The following ASIC2 variants were observed in gnomAD, a reference collection of about 807,000 sequenced individuals.
ASIC2 encodes the protein acid-sensing ion channel 2.
A neutral mutation model predicts 57.3 loss-of-function variants in ASIC2; 25 were observed. The observed-to-expected ratio is 0.44, with a 90% CI of 0.32 to 0.61. The LOEUF is 0.61. ASIC2 is among the 20% of genes least tolerant of loss of function. The pLI is 0.06. For missense variants in ASIC2, 641 were observed against 738.1 expected, an observed-to-expected ratio of 0.87 and a Z score of 1.52; for synonymous variants, 319 against 307.5, an observed-to-expected ratio of 1.04 and a Z score of -0.39.
intron 1 of ASIC2, among the ~76,000 whole-genome samples, chr17:33,620,373 C>T (rs1374000239): frequency 1.3e-5 from 2 of 152,102 alleles, no homozygotes; most frequent in African/African-American, 4.8e-5. Context: ...TCTACTCCAC[C>T]AAATTTCAGC....
At chr17:34,056,155 C>A (rs1908758426) in intron 1 of ASIC2, among the ~76,000 whole-genome samples, 1 of 152,098 alleles carries the variant, frequency 6.6e-6, no homozygotes. Flanking sequence ...AACTGGGTGC[C>A]TATTAGGATC....
chr17:33,257,451 C>G (rs1350450845), intron 1 of ASIC2, among the ~76,000 whole-genome samples: 2 of 152,210 alleles, frequency 1.3e-5, no homozygotes, highest in Non-Finnish European at 2.9e-5. Context: ...TTATTTCACA[C>G]TTTTAGTATA....
chr17:33,623,164 A>G (rs1905852703), intron 1 of ASIC2, among the ~76,000 whole-genome samples: 1 of 151,826 alleles, frequency 6.6e-6, no homozygotes, highest in Admixed American at 6.6e-5. Flanking sequence ...GCAAGTGATG[A>G]CTCCAGGGCT....
At chr17:33,802,474 A>C (rs935693569) in intron 1 of ASIC2, among the ~76,000 whole-genome samples, 1 of 152,220 alleles carries the variant, frequency 6.6e-6, no homozygotes, top group Non-Finnish European at 1.5e-5. Flanking sequence ...AACACAGAAA[A>C]GGTTGACCTT....
intron 1 of ASIC2, among the ~76,000 whole-genome samples, chr17:33,313,807 G>A (rs1477497155): frequency 6.6e-6 from 1 of 152,004 alleles, no homozygotes; most frequent in Non-Finnish European, 1.5e-5. Flanking sequence ...GGACACTTCC[G>A]TATCCGGACT....
intron 1 of ASIC2, among the ~76,000 whole-genome samples, chr17:33,411,232 C>T (rs551395762): frequency 1.3e-5 from 2 of 152,252 alleles, no homozygotes; most frequent in South Asian, 4.2e-4. Context: ...TCCTCAGAAT[C>T]CTCATTAGAA....
At chr17:33,717,553 C>T (rs752854909) in intron 1 of ASIC2, among the ~76,000 whole-genome samples, 6 of 152,154 alleles carry the variant, frequency 3.9e-5, no homozygotes, top group African/African-American at 7.2e-5. Flanking sequence ...CCCAACTGTC[C>T]GGTCCAGGCT....
At chr17:33,463,876 G>T (rs1912723669) in intron 1 of ASIC2, among the ~76,000 whole-genome samples, 1 of 152,144 alleles carries the variant, frequency 6.6e-6, no homozygotes, top group South Asian at 2.1e-4. Flanking sequence ...GTATCTTCAT[G>T]TCTCCAGAAA....
chr17:33,733,609 T>C (rs565251943), intron 1 of ASIC2, among the ~76,000 whole-genome samples: 101 of 152,300 alleles, frequency 6.6e-4, no homozygotes, highest in African/African-American at 2.2e-3. Flanking sequence ...ACTGATTAGA[T>C]ACATGACTTA....
intron 1 of ASIC2, among the ~76,000 whole-genome samples, chr17:34,097,869 C>T (rs907768440): frequency 2.6e-5 from 4 of 151,926 alleles, no homozygotes; most frequent in Admixed American, 2.6e-4. Context: ...AATCTGAGGC[C>T]CCAGAATTAA....
chr17:34,077,409 A>G (rs1598011073), intron 1 of ASIC2, among the ~76,000 whole-genome samples: 1 of 151,686 alleles, frequency 6.6e-6, no homozygotes, highest in Non-Finnish European at 1.5e-5. Context: ...CCCACGTCAT[A>G]CCCTCTCCCT....
intron 3 of ASIC2, among the ~76,000 whole-genome samples, chr17:33,031,839 T>C (rs1249738536): frequency 6.6e-6 from 1 of 152,198 alleles, no homozygotes; most frequent in Non-Finnish European, 1.5e-5. Flanking sequence ...CCTGTCATCA[T>C]TGTGAATAAT....
intron 1 of ASIC2, among the ~76,000 whole-genome samples, chr17:34,015,876 C>T (rs1293104659): frequency 6.6e-6 from 1 of 152,182 alleles, no homozygotes; most frequent in African/African-American, 2.4e-5. Context: ...GATTCAGTTT[C>T]TCTTTTTATA....
At chr17:34,083,078 T>C (rs1295634191) in intron 1 of ASIC2, among the ~76,000 whole-genome samples, 1 of 151,996 alleles carries the variant, frequency 6.6e-6, no homozygotes, top group African/African-American at 2.4e-5. Flanking sequence ...ATGTGCAGGT[T>C]AGTTACATAT....
At chr17:33,805,001 C>T (rs1035973366) in intron 1 of ASIC2, among the ~76,000 whole-genome samples, 2 of 152,078 alleles carry the variant, frequency 1.3e-5, no homozygotes, top group African/African-American at 4.8e-5. Context: ...CTTAAAACTC[C>T]CTGCTCATCC....
chr17:33,612,401 G>A (rs968668564), intron 1 of ASIC2, among the ~76,000 whole-genome samples: 10 of 152,112 alleles, frequency 6.6e-5, no homozygotes. Flanking sequence ...AAAAAAAATG[G>A]CAAAAGGGCG....
At chr17:33,968,487 C>G (rs184433535) in intron 1 of ASIC2, among the ~76,000 whole-genome samples, 2 of 152,206 alleles carry the variant, frequency 1.3e-5, no homozygotes, top group African/African-American at 4.8e-5. Context: ...AAGGGAGAAA[C>G]GGAACAGATT....
chr17:33,458,766 T>C (rs1021464686), intron 1 of ASIC2, among the ~76,000 whole-genome samples: 2 of 152,210 alleles, frequency 1.3e-5, no homozygotes, highest in African/African-American at 4.8e-5. Flanking sequence ...GATTGAATAA[T>C]AATTTCTATG....
chr17:33,766,376 T>C (rs893248620), intron 1 of ASIC2, among the ~76,000 whole-genome samples: 1 of 152,210 alleles, frequency 6.6e-6, no homozygotes, highest in African/African-American at 2.4e-5. Flanking sequence ...GGGACTGCTG[T>C]ACTCAAAGAG....
Sources: allele counts gnomAD v4.1 joint callset (sites outside exome capture counted in the v4.1 genomes callset), GRCh38; gene constraint gnomAD v4.1.1; transcripts MANE v1.5; gene names NCBI Gene and HGNC (gene_info 2026-07-23, HGNC 2026-07-21).